Variants in EXOC4 observed in about 807,000 individuals in gnomAD.
EXOC4 encodes exocyst complex component 4.
Under a neutral mutation model 107.2 loss-of-function variants are expected in EXOC4, and 71 were observed. The observed-to-expected ratio is 0.66, with a 90% CI of 0.55 to 0.81. EXOC4 has a LOEUF of 0.81. Among genes scored for constraint, EXOC4 ranks in the 30% least tolerant of loss-of-function variants. The probability of loss-of-function intolerance (pLI) is 0.00; values close to 1 mark genes in which losing one functional copy is unlikely to be tolerated. For synonymous variants in EXOC4, 456 were observed against 441.2 expected (o/e 1.03, Z -0.42); for missense variants, 1,108 against 1,189.6 (o/e 0.93, Z 1.01).
At chr7:133,468,060 T>TGAAAACATTTGGAAG (rs1798775793) in intron 7 of EXOC4, among the ~76,000 whole-genome samples, 1 of 152,174 alleles carries the variant, frequency 6.6e-6, no homozygotes, top group Non-Finnish European at 1.5e-5. Flanking sequence ...TTAAAATGAA[T>TGAAAACATTTGGAAG]GAAAACATTT....
rs566577490 is a variant in EXOC4 at position 133,707,610 on chromosome 7, T to C, written c.1514+77469T>C. On this transcript the variant is annotated intron_variant, in intron 10 of 17. Coordinates refer to ENST00000253861, the MANE Select transcript of EXOC4 (RefSeq NM_021807.4). ...TCTGAACAATATTTGCCCTTTATTTTTTATTTATTTATTTATTTTTTTTGA... is the reference window on the plus strand; with the variant it reads ...TCTGAACAATATTTGCCCTTTATTTCTTATTTATTTATTTATTTTTTTTGA... Among the ~76,000 whole-genome samples, 376 of 152,082 alleles carry C rather than the reference T, an allele frequency of 2.5e-3. 3 individuals are homozygous for C. Among genetic ancestry groups the C allele is most frequent in the African/African-American group, 8.7e-3 (361 of 41,494 alleles).
At chr7:133,710,248 A>G (rs1200153574) in intron 10 of EXOC4, among the ~76,000 whole-genome samples, 3 of 152,176 alleles carry the variant, frequency 2.0e-5, no homozygotes, top group Non-Finnish European at 4.4e-5. Context: ...TTCATGTGCC[A>G]TCCGGAGTCT....
chr7:133,810,211 T>C (rs981661931), intron 10 of EXOC4, among the ~76,000 whole-genome samples: 7 of 152,170 alleles, frequency 4.6e-5, no homozygotes, highest in African/African-American at 1.7e-4. Flanking sequence ...AGGACCTCTC[T>C]GTTAAAGGAT....
At chr7:134,066,796 C>T (rs1025440370), downstream of EXOC4, among the ~76,000 whole-genome samples, 8 of 152,272 alleles carry the variant, frequency 5.3e-5, no homozygotes, top group Admixed American at 5.2e-4. Context: ...CCACGAAACA[C>T]ATACACAGTT....
the EXOC4 span, among the ~76,000 whole-genome samples, chr7:134,072,288 G>C: frequency 5.8e-4 from 89 of 152,300 alleles, no homozygotes; most frequent in East Asian, 0.016. Context: ...AGATTAAGAA[G>C]AAGAAAGCAT....
At chr7:133,457,792 C>CT (rs1798497501) in intron 7 of EXOC4, among the ~76,000 whole-genome samples, 1 of 152,032 alleles carries the variant, frequency 6.6e-6, no homozygotes. Flanking sequence ...TATTGTATTA[C>CT]TTTTTCACTT....
intron 10 of EXOC4, among the ~76,000 whole-genome samples, chr7:133,773,925 C>CT (rs1796295894): frequency 6.6e-6 from 1 of 152,054 alleles, no homozygotes; most frequent in Non-Finnish European, 1.5e-5. Context: ...CTCATACCCA[C>CT]CATCCAAATA....
At chr7:133,807,982 A>G (rs1157711409) in intron 10 of EXOC4, among the ~76,000 whole-genome samples, 1 of 152,094 alleles carries the variant, frequency 6.6e-6, no homozygotes, top group East Asian at 1.9e-4. Context: ...TTTTGTAGAT[A>G]ATATTCTTTC....
chr7:133,677,884 A>C (rs530993249), intron 10 of EXOC4, among the ~76,000 whole-genome samples: 206 of 152,256 alleles, frequency 1.4e-3, no homozygotes, highest in African/African-American at 4.7e-3. Context: ...GAGACCTTAC[A>C]TCACATAGTG....
chr7:133,547,148 A>G (rs1187870423), intron 9 of EXOC4, among the ~76,000 whole-genome samples: 1 of 152,232 alleles, frequency 6.6e-6, no homozygotes, highest in Non-Finnish European at 1.5e-5. Context: ...CCACCAGAAT[A>G]AAGTGAAAAT....
At chr7:133,821,158 C>T (rs1416556042) in intron 11 of EXOC4, among the ~76,000 whole-genome samples, 1 of 152,190 alleles carries the variant, frequency 6.6e-6, no homozygotes, top group African/African-American at 2.4e-5. Context: ...TAGCAGCTAA[C>T]ACTTTAGTAG....
chr7:133,404,855 C>T (rs558539384), intron 7 of EXOC4, among the ~76,000 whole-genome samples: 5 of 142,154 alleles, frequency 3.5e-5, no homozygotes, highest in South Asian at 2.4e-4. Context: ...AGTGAGACTG[C>T]GCCTCCACCC....
At chr7:133,963,534 T>C (rs1055005171) in intron 14 of EXOC4, among the ~76,000 whole-genome samples, 4 of 152,028 alleles carry the variant, frequency 2.6e-5, no homozygotes, top group Admixed American at 2.6e-4. Flanking sequence ...AAGTGACAAA[T>C]AGATGTTGTG....
At chr7:133,449,214 C>A (rs1211281496) in intron 7 of EXOC4, among the ~76,000 whole-genome samples, 1 of 152,096 alleles carries the variant, frequency 6.6e-6, no homozygotes, top group Admixed American at 6.6e-5. Context: ...CTTGTACATG[C>A]CGTAGAACGC....
intron 10 of EXOC4, among the ~76,000 whole-genome samples, chr7:133,670,442 T>C (rs559362635): frequency 1.3e-5 from 2 of 152,284 alleles, no homozygotes; most frequent in East Asian, 3.9e-4. Context: ...TGCATGCTCT[T>C]GGCCTATTGC....
chr7:133,531,915 A>G (rs954745452), intron 9 of EXOC4, among the ~76,000 whole-genome samples: 2 of 152,096 alleles, frequency 1.3e-5, no homozygotes, highest in Non-Finnish European at 2.9e-5. Flanking sequence ...GACTTTTTCA[A>G]GTTCTGGAAT....
intron 1 of EXOC4, among the ~76,000 whole-genome samples, chr7:133,266,103 A>G (rs1164470890): frequency 1.3e-5 from 2 of 152,226 alleles, no homozygotes; most frequent in African/African-American, 4.8e-5. Context: ...TCTGGAGGCT[A>G]CAAGTTCAAG....
intron 10 of EXOC4, among the ~76,000 whole-genome samples, chr7:133,697,384 G>T (rs183275736): frequency 1.3e-5 from 2 of 152,166 alleles, no homozygotes; most frequent in Admixed American, 6.6e-5. Context: ...TAATAATTTT[G>T]TAAAGTAAAT....
intron 14 of EXOC4, among the ~76,000 whole-genome samples, chr7:133,940,237 C>A (rs529921605): frequency 6.6e-6 from 1 of 152,272 alleles, no homozygotes; most frequent in African/African-American, 2.4e-5. Context: ...AACCTGGCAT[C>A]AACTGTTTTC....
Sources: allele counts gnomAD v4.1 joint callset (sites outside exome capture counted in the v4.1 genomes callset), GRCh38; gene constraint gnomAD v4.1.1; transcripts MANE v1.5; gene names NCBI Gene and HGNC (gene_info 2026-07-23, HGNC 2026-07-21).